The following UNC5A variants were observed in gnomAD, a reference collection of about 807,000 sequenced individuals.
UNC5A encodes the protein netrin receptor UNC5A.
UNC5A carries 20 observed loss-of-function variants against 87.4 expected under a neutral mutation model. The observed-to-expected ratio is 0.23, with a 90% CI of 0.16 to 0.33. UNC5A has a LOEUF of 0.33. Among genes scored for constraint, UNC5A ranks in the 10% least tolerant of loss-of-function variants. UNC5A has a pLI of 1.00. For synonymous variants in UNC5A, 438 were observed against 482.3 expected (o/e 0.91, Z 1.20); for missense variants, 844 against 1,133.4 (o/e 0.74, Z 3.67).
chr5:176,812,995 G>A (rs537625493), intron 1 of UNC5A, among the ~76,000 whole-genome samples: 7 of 152,334 alleles, frequency 4.6e-5, no homozygotes, highest in South Asian at 4.1e-4. Flanking sequence ...GATGGCCAGC[G>A]GGCAGCAGGG....
At position 176,875,113 on chromosome 5, in the gene UNC5A, C is replaced by T. The variant is rs1462678249; in HGVS notation, c.1378+547C>T. ...ATGCGCTCCTGGTTTGCTTGCCCCT[C>T]TCCAGCTGCCTGTTCCATAAATGTA... On this transcript the variant is annotated intron_variant, in intron 8 of 14. Transcript: ENST00000329542. The surrounding 1 kb of genome is among the most constrained non-coding windows in gnomAD (Gnocchi z 5.2). 6.6e-6 allele frequency among the ~76,000 whole-genome samples: 1 copy of T among 152,204 alleles called. No homozygotes were observed. The highest frequency in any genetic ancestry group is 1.5e-5 in the Non-Finnish European group (1 of 68,028).
At chr5:176,862,460 G>A (rs571808400) in intron 1 of UNC5A, among the ~76,000 whole-genome samples, 164 bp from the exon 2 acceptor site, 8 of 152,318 alleles carry the variant, frequency 5.3e-5, no homozygotes, top group South Asian at 4.1e-4. Context: ...AGGCCCGGGT[G>A]GGGGATGGTC....
rs574750695 is a variant in UNC5A at position 176,842,126 on chromosome 5, G to A, written c.71-20498G>A. Among the ~76,000 whole-genome samples, 5 of 152,366 alleles carry A rather than the reference G, an allele frequency of 3.3e-5. No individual in the cohort carries two copies. The South Asian group carries it at 6.2e-4, about 19-fold the overall frequency. The stretch of plus-strand genomic sequence containing the variant: ...GCAGGAGAATGGCGTGAACCCGGGA[G>A]GCGGAGTTTGCAGTGAGCCGAGATC... On this transcript the variant is annotated intron_variant, in intron 1 of 14. Transcript: ENST00000329542.
chr5:176,876,012 C>T (rs974805062), intron 8 of UNC5A, among the ~76,000 whole-genome samples: 53 of 152,366 alleles, frequency 3.5e-4, no homozygotes, highest in Non-Finnish European at 6.3e-4. Flanking sequence ...CCTTGCTCTT[C>T]GCTCCCCAGG....
chr5:176,830,442 TG>T (rs1198316371), intron 1 of UNC5A, among the ~76,000 whole-genome samples: 120 of 18,944 alleles, frequency 6.3e-3, no homozygotes, highest in African/African-American at 6.8e-3. Context: ...TGCTGGCATG[TG>T]TGTGTGTGTG....
chr5:176,847,148 G>A (rs925080342), intron 1 of UNC5A, among the ~76,000 whole-genome samples: 4 of 152,174 alleles, frequency 2.6e-5, no homozygotes, highest in African/African-American at 7.2e-5. Flanking sequence ...GTTGAAGTCG[G>A]GCGCCGGCTG....
At chr5:176,851,206 A>T (rs1757534107) in intron 1 of UNC5A, among the ~76,000 whole-genome samples, 1 of 152,236 alleles carries the variant, frequency 6.6e-6, no homozygotes, top group Non-Finnish European at 1.5e-5. Flanking sequence ...TTGGTAATTC[A>T]AATTAGTTCC....
At chr5:176,849,310 C>T (rs1446013984) in intron 1 of UNC5A, among the ~76,000 whole-genome samples, 14 of 152,168 alleles carry the variant, frequency 9.2e-5, no homozygotes, top group African/African-American at 3.4e-4. Context: ...GCAGGCTGGG[C>T]GCAGTGGCTC....
Position 176,844,889 on chromosome 5 carries a change from C to A in UNC5A, c.71-17735C>A, listed in dbSNP as rs1030014962. 2.6e-5 allele frequency among the ~76,000 whole-genome samples: 4 copies of A among 152,174 alleles called. No individual in the cohort carries two copies. The highest frequency in any genetic ancestry group is 9.7e-5 in the African/African-American group (4 of 41,430). ...CCTGCCCAGTGCTCATGACAGACAG[C>A]AGCAGTTCCACACTTGGGTCTGCAG... On this transcript the variant is annotated intron_variant, in intron 1 of 14. Transcript: ENST00000329542. The surrounding 1 kb of genome is among the most constrained non-coding windows in gnomAD (Gnocchi z 4.2).
intron 2 of UNC5A, chr5:176,864,823 T>G (rs1170685229): frequency 2.2e-6 from 1 of 456,006 alleles, no homozygotes; most frequent in Non-Finnish European, 4.4e-6. Context: ...CAGAGGGAGA[T>G]AGAGAGGGTT....
At chr5:176,868,096 T>G in intron 2 of UNC5A, 34 bp from the exon 3 acceptor site, 1 of 1,603,122 alleles carries the variant, frequency 6.2e-7, no homozygotes, top group Non-Finnish European at 8.5e-7. Flanking sequence ...AGGGTGGCCC[T>G]GGGGCTCTGA....
rs1277203840 is a variant in UNC5A at position 176,880,149 on chromosome 5, A to C, written c.*263A>C. 1 of 494,316 alleles carries C rather than the reference A, an allele frequency of 2.0e-6. No homozygotes were observed. Among genetic ancestry groups the C allele is most frequent in the East Asian group, 3.6e-5 (1 of 27,768 alleles). The allele number at this position is 494,316 out of a possible 1,614,324, so 30.6% of individuals were successfully genotyped here. On this transcript the variant is annotated 3_prime_UTR_variant, in exon 15 of 15. Coordinates refer to ENST00000329542, the MANE Select transcript of UNC5A (RefSeq NM_133369.3). ...AGTGCCTGGAGCCTGGGCCAGGCCC[A>C]GCCCATCTGTGTGTGTGTATGTGCG...
intron 9 of UNC5A, 109 bp downstream of exon 9, chr5:176,877,388 G>A (rs1264990896): frequency 8.9e-6 from 12 of 1,355,924 alleles, no homozygotes; most frequent in Admixed American, 2.1e-5. Context: ...AGGCGGCGGG[G>A]GAAAGAGCTA....
intron 1 of UNC5A, among the ~76,000 whole-genome samples, chr5:176,839,050 G>C (rs1038303022): frequency 1.3e-5 from 2 of 152,160 alleles, no homozygotes; most frequent in Admixed American, 1.3e-4. Context: ...GTGTTCTCCT[G>C]CCTCTGTGCG....
Position 176,878,748 on chromosome 5 carries a change from G to A in UNC5A, c.2184+109G>A, listed in dbSNP as rs995502031. The A allele has an allele frequency of 1.9e-5, 27 of 1,421,936 alleles. No individual in the cohort carries two copies. The South Asian group carries it at 2.2e-4, about 11-fold the overall frequency. The allele number at this position is 1,421,936 out of a possible 1,614,324, so 88.1% of individuals were successfully genotyped here. ...TGCCCTGCCACCCACTCTCCCTCCC[G>A]CCTGTCCCCAGGCCCACCTCCTCCT... On this transcript the variant is annotated intron_variant, in intron 13 of 14. Coordinates refer to ENST00000329542, the MANE Select transcript of UNC5A (RefSeq NM_133369.3).
intron 6 of UNC5A, among the ~76,000 whole-genome samples, chr5:176,873,078 A>C (rs1657354): frequency 2.9e-3 from 92 of 31,982 alleles, no homozygotes; most frequent in South Asian, 3.6e-3. Context: ...CCACAGCTTC[A>C]CATCTGCCCA....
chr5:176,876,790 G>C (rs1449614214), intron 8 of UNC5A, among the ~76,000 whole-genome samples: 1 of 152,218 alleles, frequency 6.6e-6, no homozygotes, highest in Non-Finnish European at 1.5e-5. Context: ...TAGAGAGGCA[G>C]TGGGGGCCAG....
chr5:176,876,465 T>A (rs1030286696), intron 8 of UNC5A, among the ~76,000 whole-genome samples: 39 of 152,320 alleles, frequency 2.6e-4, no homozygotes, highest in Non-Finnish European at 1.0e-4. Flanking sequence ...GGGGAGTCCC[T>A]GCTCACCACC....
intron 1 of UNC5A, among the ~76,000 whole-genome samples, chr5:176,819,466 C>T (rs75239665): frequency 0.02 from 3,058 of 152,248 alleles, 92 homozygotes; most frequent in African/African-American, 0.069. Context: ...CCAGGGAGAA[C>T]AGTATGGCCA....
Sources: allele counts gnomAD v4.1 joint callset (sites outside exome capture counted in the v4.1 genomes callset), GRCh38; gene constraint gnomAD v4.1.1; non-coding constraint Gnocchi (gnomAD v3.1); transcripts MANE v1.5; gene names NCBI Gene and HGNC (gene_info 2026-07-23, HGNC 2026-07-21).